The following MGLL variants were observed in gnomAD, a reference collection of about 807,000 sequenced individuals.
MGLL encodes the protein monoglyceride lipase, also known as lysophospholipase homolog.
In MGLL, 7 loss-of-function variants were observed where a neutral mutation model predicts 29.1. That is an observed-to-expected ratio of 0.24 (90% confidence interval 0.14 to 0.45). The LOEUF (loss-of-function observed/expected upper bound fraction) is 0.45, where lower values mean the gene tolerates loss of function less well. Ranked by LOEUF, MGLL falls within the 20% of genes least tolerant of loss-of-function variation. The pLI is 0.99. For missense variants in MGLL, 356 were observed against 413.6 expected (o/e 0.86, Z 1.21); for synonymous variants, 148 against 168.3 (o/e 0.88, Z 0.93).
At chr3:127,815,609 C>A (rs1272399780) in intron 2 of MGLL, among the ~76,000 whole-genome samples, 2 of 152,194 alleles carry the variant, frequency 1.3e-5, no homozygotes. Context: ...TTGGCTCATG[C>A]TTTTGTGTTT....
intron 5 of MGLL, among the ~76,000 whole-genome samples, chr3:127,720,018 T>C (rs2075888293): frequency 6.6e-6 from 1 of 152,212 alleles, no homozygotes; most frequent in Non-Finnish European, 1.5e-5. Context: ...GGAGCAAGTC[T>C]GTGGTCATGG....
intron 3 of MGLL, among the ~76,000 whole-genome samples, chr3:127,759,777 G>C (rs898053182): frequency 3.3e-5 from 5 of 152,190 alleles, no homozygotes; most frequent in Admixed American, 2.6e-4. Context: ...CTCAACACAG[G>C]GTCCTTGGAA....
chr3:127,769,308 G>C (rs1317495799), intron 3 of MGLL, among the ~76,000 whole-genome samples: 2 of 151,424 alleles, frequency 1.3e-5, no homozygotes, highest in African/African-American at 4.9e-5. Flanking sequence ...CTGAGATCAT[G>C]CCATTGCACT....
chr3:127,791,345 C>G (rs527362647), intron 2 of MGLL: 1 of 152,436 alleles, frequency 6.6e-6, no homozygotes, highest in African/African-American at 2.4e-5. Flanking sequence ...TCTTGTTTGT[C>G]TTTGAGCCAT....
Position 127,786,460 on chromosome 3 carries a change from T to C in MGLL, c.156-4565A>G, listed in dbSNP as rs144872007. Reference sequence around the variant, plus strand: ...GAACTTCTTTAACGGCTGCAGCCAGTTGGGAGCCAGTCGTTCAGGGAGAAG... The same window carrying C: ...GAACTTCTTTAACGGCTGCAGCCAGCTGGGAGCCAGTCGTTCAGGGAGAAG... On this transcript the variant is annotated intron_variant, in intron 2 of 7. Coordinates refer to ENST00000265052, the MANE Select transcript of MGLL (RefSeq NM_007283.7). Among the ~76,000 whole-genome samples, 688 of 152,320 alleles carry C rather than the reference T, an allele frequency of 4.5e-3. 3 individuals carry two copies. Among genetic ancestry groups the C allele is most frequent in the South Asian group, 6.4e-3 (31 of 4,832 alleles).
chr3:127,795,065 A>G (rs2077361832), intron 2 of MGLL, among the ~76,000 whole-genome samples: 1 of 152,216 alleles, frequency 6.6e-6, no homozygotes, highest in South Asian at 2.1e-4. Context: ...CCAAAAAGAC[A>G]CCTCCACTCG....
At chr3:127,738,514 G>A (rs542424745) in intron 3 of MGLL, among the ~76,000 whole-genome samples, 2 of 152,266 alleles carry the variant, frequency 1.3e-5, no homozygotes, top group African/African-American at 4.8e-5. Flanking sequence ...GCCCTGGGTT[G>A]CTCACAACCA....
intron 3 of MGLL, among the ~76,000 whole-genome samples, chr3:127,732,371 G>T (rs538670286): frequency 6.6e-6 from 1 of 152,260 alleles, no homozygotes; most frequent in East Asian, 1.9e-4. Context: ...AAAGGGCAGC[G>T]CTCAGCCCCC....
chr3:127,729,662 G>A (rs187479808), intron 3 of MGLL, among the ~76,000 whole-genome samples: 70 of 152,282 alleles, frequency 4.6e-4, no homozygotes, highest in Non-Finnish European at 4.9e-4. Context: ...GAATTGCAAT[G>A]TCATCCTTAT....
intron 3 of MGLL, among the ~76,000 whole-genome samples, chr3:127,754,183 T>A (rs2076613830): frequency 6.6e-6 from 1 of 152,048 alleles, no homozygotes; most frequent in African/African-American, 2.4e-5. Context: ...GGCAGGGGCT[T>A]CCCTCTGTGA....
intron 2 of MGLL, among the ~76,000 whole-genome samples, chr3:127,784,229 G>A (rs2077176727): frequency 6.6e-6 from 1 of 152,148 alleles, no homozygotes; most frequent in Admixed American, 6.5e-5. Context: ...GCCACACATT[G>A]GAGTCACCTG....
intron 3 of MGLL, among the ~76,000 whole-genome samples, chr3:127,781,285 T>A (rs993148066): frequency 6.6e-6 from 1 of 152,232 alleles, no homozygotes; most frequent in Admixed American, 6.5e-5. Flanking sequence ...TGTATGACTA[T>A]ATGCATGGGT....
At chr3:127,722,631 G>A (rs1309540226) in intron 3 of MGLL, 65 bp from the exon 4 acceptor site, 3 of 1,606,310 alleles carry the variant, frequency 1.9e-6, no homozygotes, top group Non-Finnish European at 2.6e-6. Flanking sequence ...CAAGCCCAGA[G>A]TTCTCCTCAC....
chr3:127,822,263 C>A (rs370875425), intron 1 of MGLL, 46 bp downstream of exon 1: 39 of 1,584,202 alleles, frequency 2.5e-5, no homozygotes, highest in Non-Finnish European at 3.3e-5. Context: ...GTGGATGATA[C>A]TCAGATTATT....
At chr3:127,725,764 T>A (rs1685595232) in intron 3 of MGLL, among the ~76,000 whole-genome samples, 1 of 152,198 alleles carries the variant, frequency 6.6e-6, no homozygotes, top group African/African-American at 2.4e-5. Flanking sequence ...AATGGCTGAA[T>A]CTTTTAAAAG....
rs118095236 is a variant in MGLL, at chr3:127,799,140, G to T, written c.156-17245C>A. Among the ~76,000 whole-genome samples the T allele has an allele frequency of 8.5e-5, 13 of 152,292 alleles. No individual in the cohort carries two copies. The East Asian group carries it at 2.5e-3, about 29-fold the overall frequency. ...TAATGCAAATTGCCAGGGACCAAGT[G>T]CTCCTAAGAAGCCAGGGAGGACACT... On this transcript the variant is annotated intron_variant, in intron 2 of 7. Transcript: ENST00000265052.
At chr3:127,717,881 C>T (rs887197000) in intron 5 of MGLL, among the ~76,000 whole-genome samples, 9 of 152,156 alleles carry the variant, frequency 5.9e-5, no homozygotes, top group African/African-American at 1.9e-4. Context: ...TACCCAGGCA[C>T]GAGCCGCGAG....
intron 2 of MGLL, among the ~76,000 whole-genome samples, chr3:127,803,789 A>G (rs368617975): frequency 1.5e-4 from 23 of 152,160 alleles, no homozygotes; most frequent in African/African-American, 5.3e-4. Context: ...CCAGGAAAAC[A>G]TTACTCATTC....
intron 3 of MGLL, among the ~76,000 whole-genome samples, chr3:127,778,494 C>CT (rs908036054): frequency 2.6e-5 from 4 of 152,234 alleles, no homozygotes; most frequent in Non-Finnish European, 5.9e-5. Context: ...ACGGCTTGGA[C>CT]TCCCTGTTGA....
Sources: allele counts gnomAD v4.1 joint callset (sites outside exome capture counted in the v4.1 genomes callset), GRCh38; gene constraint gnomAD v4.1.1; transcripts MANE v1.5; gene names NCBI Gene and HGNC (gene_info 2026-07-23, HGNC 2026-07-21).